The following ETNPPL variants were observed in gnomAD, a reference collection of about 807,000 sequenced individuals.
The protein encoded by ETNPPL is alanine--glyoxylate aminotransferase 2-like 1.
ETNPPL carries 30 observed loss-of-function variants against 55.5 expected under a neutral mutation model. The observed-to-expected ratio is 0.54, with a 90% CI of 0.40 to 0.73. The LOEUF is 0.73. Ranked by LOEUF, ETNPPL falls within the 30% of genes least tolerant of loss-of-function variation. The pLI is 0.00. For synonymous variants in ETNPPL, 202 were observed against 207.2 expected, an observed-to-expected ratio of 0.98 and a Z score of 0.21; for missense variants, 528 against 607.9, an observed-to-expected ratio of 0.87 and a Z score of 1.38.
intron 3 of ETNPPL, among the ~76,000 whole-genome samples, chr4:108,758,378 T>C (rs1462318846): frequency 6.6e-6 from 1 of 152,182 alleles, no homozygotes; most frequent in African/African-American, 2.4e-5. Flanking sequence ...TATTTAGACA[T>C]GCATTTGCAA....
At chr4:108,761,677 TCTAA>T (rs781401517) in intron 1 of ETNPPL, among the ~76,000 whole-genome samples, 6 of 152,224 alleles carry the variant, frequency 3.9e-5, no homozygotes, top group Admixed American at 6.5e-5. Flanking sequence ...TTTACCGGAA[TCTAA>T]CTAAGATTGA....
At chr4:108,747,554 C>T (rs1280231637) in intron 9 of ETNPPL, among the ~76,000 whole-genome samples, 3 of 151,686 alleles carry the variant, frequency 2.0e-5, no homozygotes, top group Non-Finnish European at 4.4e-5. Flanking sequence ...CCTGCCTCTG[C>T]CTCCCAAGGT....
chr4:108,758,006 CTTTTTT>C (rs11307616), intron 3 of ETNPPL, among the ~76,000 whole-genome samples: 1 of 116,722 alleles, frequency 8.6e-6, no homozygotes. Context: ...ATATTTCTTT[CTTTTTT>C]TTTTTTTTTT....
At chr4:108,762,360 C>G (rs1018875178) in intron 1 of ETNPPL, 8 of 467,500 alleles carry the variant, frequency 1.7e-5, no homozygotes, top group Non-Finnish European at 3.0e-5. Flanking sequence ...ATCACTTAAC[C>G]AAGCATGCAA....
chr4:108,750,842 A>G (rs1291457068), intron 7 of ETNPPL, 94 bp downstream of exon 7: 14 of 932,410 alleles, frequency 1.5e-5, no homozygotes, highest in Non-Finnish European at 2.3e-5. Context: ...CCAGCTAATC[A>G]GGAATTATTT....
At chr4:108,756,865 CA>C (rs1366717855) in intron 3 of ETNPPL, among the ~76,000 whole-genome samples, 1 of 152,134 alleles carries the variant, frequency 6.6e-6, no homozygotes, top group Non-Finnish European at 1.5e-5. Flanking sequence ...ATGTTAATTA[CA>C]AAAGTTGTAA....
intron 1 of ETNPPL, 75 bp from the exon 2 acceptor site, chr4:108,760,381 C>T (rs1380400062): frequency 1.6e-5 from 12 of 735,222 alleles, no homozygotes; most frequent in Non-Finnish European, 2.7e-5. Flanking sequence ...TGAAGGTCCC[C>T]ATCAGTGGAA....
At chr4:108,756,607 A>C in intron 3 of ETNPPL, 115 bp from the exon 4 acceptor site, 1 of 734,046 alleles carries the variant, frequency 1.4e-6, no homozygotes, top group South Asian at 1.7e-5. Context: ...GAGGCCAAGG[A>C]GGGCCGATTG....
chr4:108,746,593 T>C, intron 10 of ETNPPL, 64 bp from the exon 11 acceptor site: 4 of 1,565,308 alleles, frequency 2.6e-6, no homozygotes, highest in Non-Finnish European at 3.5e-6. Context: ...TGAAGAATTA[T>C]GTGAACATAG....
chr4:108,745,385 G>A (rs371256022), intron 11 of ETNPPL, among the ~76,000 whole-genome samples: 2 of 151,846 alleles, frequency 1.3e-5, no homozygotes, highest in Non-Finnish European at 2.9e-5. Flanking sequence ...TCACGAGGTC[G>A]GGAGTTCGAG....
intron 9 of ETNPPL, 152 bp downstream of exon 9, chr4:108,747,853 C>T (rs979601151): frequency 1.0e-5 from 6 of 581,532 alleles, no homozygotes; most frequent in South Asian, 9.5e-5. Context: ...CTCAGCCTCC[C>T]GAGTAGCTGG....
rs532913124 is a variant in ETNPPL at position 108,742,398 on chromosome 4, G to T, written c.*86C>A. 5.1e-6 allele frequency: 7 copies of T among 1,360,064 alleles called. No individual in the cohort carries two copies. The East Asian group carries it at 9.2e-5, about 18-fold the overall frequency. The allele number at this position is 1,360,064 out of a possible 1,614,324, so 84.2% of individuals were successfully genotyped here. On this transcript the variant is annotated 3_prime_UTR_variant, in exon 13 of 13. Coordinates refer to ENST00000296486, the MANE Select transcript of ETNPPL (RefSeq NM_031279.4). ...TAAACTGACAATTCCACCTTTAGAG[G>T]TATAATAGAGCTATTAACCGATGAG...
chr4:108,742,389 C>T lies in ETNPPL; in HGVS notation c.*95G>A. 1 of 1,278,380 alleles carries T rather than the reference C, an allele frequency of 7.8e-7. No homozygotes were observed. Among genetic ancestry groups the T allele is most frequent in the Non-Finnish European group, 1.1e-6 (1 of 897,074 alleles). The allele number at this position is 1,278,380 out of a possible 1,614,324, so 79.2% of individuals were successfully genotyped here. On this transcript the variant is annotated 3_prime_UTR_variant, in exon 13 of 13. Coordinates refer to ENST00000296486, the MANE Select transcript of ETNPPL (RefSeq NM_031279.4). ...TTATGAATCTAAACTGACAATTCCA[C>T]CTTTAGAGGTATAATAGAGCTATTA...
intron 9 of ETNPPL, 125 bp from the exon 10 acceptor site, chr4:108,746,976 A>C (rs937624349): frequency 3.3e-6 from 2 of 610,174 alleles, no homozygotes; most frequent in African/African-American, 3.8e-5. Context: ...CAAGATACCA[A>C]TCTATGTTCA....
At chr4:108,751,049 T>C (rs746963022) in intron 6 of ETNPPL, 31 bp from the exon 7 acceptor site, 1 of 1,523,926 alleles carries the variant, frequency 6.6e-7, no homozygotes, top group Non-Finnish European at 9.1e-7. Context: ...TCAAAGTCCA[T>C]TAGGTCCCCC....
intron 11 of ETNPPL, among the ~76,000 whole-genome samples, chr4:108,744,152 T>G (rs1728352420): frequency 6.6e-6 from 1 of 152,002 alleles, no homozygotes; most frequent in Non-Finnish European, 1.5e-5. Context: ...TCCCAGCTAC[T>G]CGGGAGGCTG....
chr4:108,748,658 A>G (rs866457804), intron 8 of ETNPPL, among the ~76,000 whole-genome samples: 14 of 152,216 alleles, frequency 9.2e-5, no homozygotes, highest in Non-Finnish European at 1.8e-4. Flanking sequence ...TCAAAAAAAT[A>G]TAATATCCCA....
At chr4:108,749,073 T>A (rs1307532118) in intron 8 of ETNPPL, among the ~76,000 whole-genome samples, 165 bp downstream of exon 8, 5 of 152,148 alleles carry the variant, frequency 3.3e-5, no homozygotes, top group Non-Finnish European at 5.9e-5. Context: ...TTTATATATA[T>A]ATGTAAGTAT....
intron 7 of ETNPPL, 117 bp downstream of exon 7, chr4:108,750,819 G>T: frequency 1.3e-6 from 1 of 753,904 alleles, no homozygotes; most frequent in Non-Finnish European, 2.3e-6. Flanking sequence ...AGGCACTCAG[G>T]TGTGGCTATT....
Sources: gnomAD v4.1 joint callset for allele counts (sites outside exome capture counted in the v4.1 genomes callset) on GRCh38, gnomAD v4.1.1 for gene constraint, MANE v1.5 for transcripts, NCBI Gene and HGNC (gene_info 2026-07-23, HGNC 2026-07-21) for gene names.